Variants in SERPINB1 observed in about 807,000 individuals in gnomAD.
SERPINB1 encodes the protein serpin family B member 1.
SERPINB1 carries 23 observed loss-of-function variants against 25.9 expected under a neutral mutation model. That is an observed-to-expected ratio of 0.89 (90% confidence interval 0.64 to 1.26). The LOEUF (loss-of-function observed/expected upper bound fraction) is 1.26, where lower values mean the gene tolerates loss of function less well. Ranked by LOEUF, SERPINB1 falls within the 50% of genes most tolerant of loss-of-function variation. The pLI is 0.00. For missense variants in SERPINB1, 399 were observed against 463.6 expected (o/e 0.86, Z 1.28); for synonymous variants, 178 against 178.7 (o/e 1.00, Z 0.03).
intron 4 of SERPINB1, among the ~76,000 whole-genome samples, chr6:2,836,735 G>C (rs1281427526): frequency 1.5e-5 from 2 of 133,852 alleles, no homozygotes; most frequent in African/African-American, 5.2e-5. Context: ...CACACCTGCA[G>C]TCCCAGTGCT....
At chr6:2,840,791 A>C (rs1377454204) in intron 1 of SERPINB1, among the ~76,000 whole-genome samples, 197 bp from the exon 2 acceptor site, 1 of 152,200 alleles carries the variant, frequency 6.6e-6, no homozygotes, top group Non-Finnish European at 1.5e-5. Flanking sequence ...ATTCTGGCCA[A>C]GGACTCAGCA....
At chr6:2,839,192 A>T in intron 2 of SERPINB1, 1 of 437,232 alleles carries the variant, frequency 2.3e-6, no homozygotes, top group Non-Finnish European at 3.0e-6. Context: ...CCTTAAACTT[A>T]ACATTCTGGC....
At chr6:2,834,889 A>C (rs897722880) in intron 6 of SERPINB1, among the ~76,000 whole-genome samples, 1 of 152,364 alleles carries the variant, frequency 6.6e-6, no homozygotes, top group Non-Finnish European at 1.5e-5. Context: ...ATAGTGCTAC[A>C]TAAATGTCAG....
In SERPINB1 at chr6:2,837,925, A is replaced by G. The variant is rs1766540864; in HGVS notation, c.381T>C (p.Asp127=). 1.2e-6 allele frequency: 2 copies of G among 1,614,156 alleles called. No homozygotes were observed. The highest frequency in any genetic ancestry group is 1.7e-6 in the Non-Finnish European group (2 of 1,180,030). ...ASVDFQHASE[D]ARKTINQWVK... Reference sequence around the variant, plus strand: ...CCCACTGGTTTATGGTCTTCCTTGCATCTTCAGAGGCATGCTGAAAATCCA... The same window carrying G: ...CCCACTGGTTTATGGTCTTCCTTGCGTCTTCAGAGGCATGCTGAAAATCCA... Residue 127 remains aspartate, a synonymous_variant, in exon 4 of 7, where the codon GAT becomes GAC. Transcript: ENST00000380739. The surrounding 1 kb of genome is among the most constrained non-coding windows in gnomAD (Gnocchi z 4.3).
At chr6:2,834,654 G>A (rs1192363120) in intron 6 of SERPINB1, among the ~76,000 whole-genome samples, 1 of 152,176 alleles carries the variant, frequency 6.6e-6, no homozygotes, top group Admixed American at 6.5e-5. Flanking sequence ...TTACTTCCAG[G>A]TTGAGTAGTG....
intron 6 of SERPINB1, among the ~76,000 whole-genome samples, chr6:2,835,009 A>G (rs1179592742): frequency 2.6e-5 from 4 of 152,224 alleles, no homozygotes; most frequent in African/African-American, 9.6e-5. Context: ...TTCACTTTAC[A>G]ATCAGAAAAA....
At chr6:2,840,060 T>G (rs1055051354) in intron 2 of SERPINB1, among the ~76,000 whole-genome samples, 3 of 152,292 alleles carry the variant, frequency 2.0e-5, no homozygotes, top group Admixed American at 1.3e-4. Flanking sequence ...CATATCATCA[T>G]ATGCAAAGCA....
intron 6 of SERPINB1, among the ~76,000 whole-genome samples, chr6:2,835,154 G>A (rs1419546012): frequency 1.3e-5 from 2 of 152,220 alleles, no homozygotes; most frequent in African/African-American, 4.8e-5. Flanking sequence ...GGATAGGGAG[G>A]AGACGGAGAG....
At position 2,841,731 on chromosome 6, in the gene SERPINB1, T is replaced by A. The variant is rs1176333863; in HGVS notation, c.-9+81A>T. The A allele has an allele frequency of 6.7e-6, 1 of 149,698 alleles. No homozygotes were observed. The highest frequency in any genetic ancestry group is 2.5e-5 in the African/African-American group (1 of 40,368). 9.3% of individuals were successfully genotyped at this position (149,698 alleles called of 1,614,324 possible). ...GGGCCTGAGCCTGGGGGGTGGGGGGTGCCGGGCTGGAAGCTGAGCGAGGGA... is the reference window on the plus strand; with the variant it reads ...GGGCCTGAGCCTGGGGGGTGGGGGGAGCCGGGCTGGAAGCTGAGCGAGGGA... On this transcript the variant is annotated intron_variant, in intron 1 of 6. Coordinates refer to ENST00000380739, the MANE Select transcript of SERPINB1 (RefSeq NM_030666.4). The surrounding 1 kb of genome is among the most constrained non-coding windows in gnomAD (Gnocchi z 4.5).
chr6:2,836,251 C>CTAAAAAAAAAT lies in SERPINB1; in HGVS notation c.425-12_425-2dup, dbSNP rs1766491344. 6.3e-7 allele frequency: 1 copy of CTAAAAAAAAAT among 1,578,578 alleles called. No individual in the cohort carries two copies. The highest frequency in any genetic ancestry group is 1.4e-5 in the African/African-American group (1 of 72,126). ...GAAGCCAACAGTTCCGGAATTTTTC[C>CTAAAAAAAAAT]TAAAAAAAAATCAAGTTAGCGTAAA... On this transcript the variant is annotated splice_acceptor_variant, in intron 4 of 6. Coordinates refer to ENST00000380739, the MANE Select transcript of SERPINB1 (RefSeq NM_030666.4). LOFTEE classifies it high-confidence loss of function.
chr6:2,835,720 G>T, intron 6 of SERPINB1, 136 bp downstream of exon 6: 1 of 967,760 alleles, frequency 1.0e-6, no homozygotes, highest in Non-Finnish European at 1.5e-6. Context: ...TGTAGTAAGT[G>T]TTGATGGGCT....
chr6:2,840,553 C>A lies in SERPINB1; in HGVS notation c.34G>T (p.Ala12Ser), dbSNP rs775777099. The A allele has an allele frequency of 6.2e-7, 1 of 1,613,824 alleles. No individual in the cohort carries two copies. Among genetic ancestry groups the A allele is most frequent in the Non-Finnish European group, 8.5e-7 (1 of 1,179,968 alleles). ...EQLSSANTRF[A>S]LDLFLALSEN... ...CTCAACGCCAGGAACAGGTCCAAGG[C>A]GAAGCGGGTGTTTGCTGAGCTCAGC... Residue 12 changes from alanine to serine, a missense_variant, in exon 2 of 7, where the codon GCC becomes TCC. By Grantham distance (99) the Ala-to-Ser change is moderately conservative (BLOSUM62 1). Coordinates refer to ENST00000380739, the MANE Select transcript of SERPINB1 (RefSeq NM_030666.4).
At position 2,833,854 on chromosome 6, in the gene SERPINB1, G is replaced by C; in HGVS notation, c.894C>G (p.Asn298Lys). 5 of 1,614,174 alleles carry C rather than the reference G, an allele frequency of 3.1e-6. No individual in the cohort carries two copies. The highest frequency in any genetic ancestry group is 4.2e-6 in the Non-Finnish European group (5 of 1,180,024). The change falls in exon 7 of 7, where the codon AAC (asparagine) becomes AAG (lysine). Residue 298 changes from asparagine to lysine, a missense_variant. Transcript: ENST00000380739. The part of the protein sequence containing the change: ...LARLGVQDLF[N>K]SSKADLSGMS... ...TGCCAGACAGATCAGCCTTGCTACT[G>C]TTAAAGAGATCCTGCACACCTAGGC...
Position 2,837,730 on chromosome 6 carries a change from C to A in SERPINB1, c.424+152G>T. On this transcript the variant is annotated intron_variant, in intron 4 of 6. Transcript: ENST00000380739. This position sits in a 1 kb window ranked among gnomAD's most constrained non-coding sequence, Gnocchi z 4.3. ...GCTGTCCAGCAACGTGCAGTGCAGA[C>A]TTCACGCACCGGCAGCGTCCTCTGA... The A allele has an allele frequency of 1.5e-6, 1 of 682,074 alleles. No homozygotes were observed. The highest frequency in any genetic ancestry group is 2.6e-6 in the Non-Finnish European group (1 of 379,278). 42.3% of individuals were successfully genotyped at this position (682,074 alleles called of 1,614,324 possible).
chr6:2,837,228 C>T lies in SERPINB1; in HGVS notation c.424+654G>A, dbSNP rs1162288211. Among the ~76,000 whole-genome samples, 1 of 151,910 alleles carries T rather than the reference C, an allele frequency of 6.6e-6. No individual in the cohort carries two copies. Among genetic ancestry groups the T allele is most frequent in the Non-Finnish European group, 1.5e-5 (1 of 67,980 alleles). On this transcript the variant is annotated intron_variant, in intron 4 of 6. Coordinates refer to ENST00000380739, the MANE Select transcript of SERPINB1 (RefSeq NM_030666.4). This position sits in a 1 kb window ranked among gnomAD's most constrained non-coding sequence, Gnocchi z 4.3. ...TGAATTCTCCTCAAAATTTTAATTC[C>T]TTTTTTGCTGTATTCAGTGTTGGTT...
intron 2 of SERPINB1, chr6:2,839,343 G>A: frequency 5.1e-6 from 5 of 985,122 alleles, no homozygotes; most frequent in Non-Finnish European, 6.0e-6. Context: ...ACCGAGATAT[G>A]GAATGTTTGC....
chr6:2,840,787 G>A (rs997274609), intron 1 of SERPINB1, among the ~76,000 whole-genome samples, 193 bp from the exon 2 acceptor site: 8 of 152,128 alleles, frequency 5.3e-5, no homozygotes, highest in Non-Finnish European at 2.9e-5. Context: ...GACCATTCTG[G>A]CCAAGGACTC....
chr6:2,837,328 G>A lies in SERPINB1; in HGVS notation c.424+554C>T, dbSNP rs184708236. On this transcript the variant is annotated intron_variant, in intron 4 of 6. Coordinates refer to ENST00000380739, the MANE Select transcript of SERPINB1 (RefSeq NM_030666.4). The surrounding 1 kb of genome is among the most constrained non-coding windows in gnomAD (Gnocchi z 4.3). ...GAGTCTCGCTCTGTTGCCTAGGCTG[G>A]AGTACAGTGGCATGATCTCGGCTCA... Among the ~76,000 whole-genome samples, 244 of 152,004 alleles carry A rather than the reference G, an allele frequency of 1.6e-3. 7 individuals carry two copies. Among genetic ancestry groups the A allele is most frequent in the Middle Eastern group, 3.4e-3 (1 of 294 alleles).
At chr6:2,840,396 C>A in intron 2 of SERPINB1, 23 bp downstream of exon 2, 1 of 1,613,230 alleles carries the variant, frequency 6.2e-7, no homozygotes, top group East Asian at 2.2e-5. Flanking sequence ...GGAAAGCAGA[C>A]CCTTTTTTTT....
Sources: gnomAD v4.1 joint callset for allele counts (sites outside exome capture counted in the v4.1 genomes callset) on GRCh38, gnomAD v4.1.1 for gene constraint, Gnocchi (gnomAD v3.1) non-coding constraint, MANE v1.5 for transcripts, NCBI Gene and HGNC (gene_info 2026-07-23, HGNC 2026-07-21) for gene names.